FBF1: variants seen among roughly 807,000 people sequenced by gnomAD.
The protein encoded by FBF1 is Fas binding factor 1.
Under a neutral mutation model 147.2 loss-of-function variants are expected in FBF1, and 119 were observed. That is an observed-to-expected ratio of 0.81 (90% confidence interval 0.70 to 0.94). The LOEUF (loss-of-function observed/expected upper bound fraction) is 0.94. Among genes scored for constraint, FBF1 ranks in the 40% least tolerant of loss-of-function variants. The pLI is 0.00. For missense variants in FBF1, 1,449 were observed against 1,500.8 expected (o/e 0.97, Z 0.57); for synonymous variants, 601 against 609.0 (o/e 0.99, Z 0.19).
Position 75,915,006 on chromosome 17 carries a change from G to T in FBF1, c.2628+11C>A, listed in dbSNP as rs1190889248. ...GCAGGGGCAGGGGCTGAGTGCGGTG[G>T]CTTGACTCACCTTGGCCCGTTCCAG... On this transcript the variant is annotated intron_variant, in intron 24 of 29. Transcript: ENST00000636174. 1 of 1,612,972 alleles carries T rather than the reference G, an allele frequency of 6.2e-7. No homozygotes were observed.
chr17:75,914,388 C>T, intron 25 of FBF1, 90 bp from the exon 26 acceptor site: 1 of 1,471,922 alleles, frequency 6.8e-7, no homozygotes, highest in Non-Finnish European at 9.0e-7. Context: ...GCCCACCCTG[C>T]CCCTGGGAGG....
rs754453059 is a variant in FBF1 at position 75,917,815 on chromosome 17, T to C, written c.2422A>G (p.Met808Val). The C allele has an allele frequency of 6.2e-7, 1 of 1,608,250 alleles. No homozygotes were observed. The highest frequency in any genetic ancestry group is 1.1e-5 in the South Asian group (1 of 90,202). ...TGTTGCCGGCTCCGCTCCTCCTCCATGTCCCGCTGCTGCTGGCCCAGCCGC... is the reference window on the plus strand; with the variant it reads ...TGTTGCCGGCTCCGCTCCTCCTCCACGTCCCGCTGCTGCTGGCCCAGCCGC... ...QERLGQQQRDMEEERSRQQEV... is the reference protein window; with the variant it reads ...QERLGQQQRDVEEERSRQQEV... The change falls in exon 23 of 30, where the codon ATG becomes GTG. Residue 808 changes from methionine (M) to valine (V), a missense_variant. By Grantham distance (21) the Met-to-Val change is conservative. Coordinates refer to ENST00000636174, the MANE Select transcript of FBF1 (RefSeq NM_001319193.2).
chr17:75,915,401 G>A (rs1391363227), intron 23 of FBF1, among the ~76,000 whole-genome samples: 1 of 152,204 alleles, frequency 6.6e-6, no homozygotes, highest in Admixed American at 6.5e-5. Flanking sequence ...GCTTGGGAGG[G>A]CCAAAGAGCA....
chr17:75,937,239 C>T (rs926162324), intron 3 of FBF1, among the ~76,000 whole-genome samples: 2 of 150,382 alleles, frequency 1.3e-5, no homozygotes, highest in African/African-American at 4.9e-5. Flanking sequence ...GGTGAGATCT[C>T]GGCTCACTGC....
At chr17:75,920,150 G>C in intron 18 of FBF1, 43 bp from the exon 19 acceptor site, 1 of 1,583,108 alleles carries the variant, frequency 6.3e-7, no homozygotes, top group African/African-American at 1.3e-5. Context: ...AGGGGAGGTG[G>C]CTGTACTCCA....
At chr17:75,912,343 G>A (rs758690192) in intron 28 of FBF1, 36 bp from the exon 29 acceptor site, 59 of 1,493,276 alleles carry the variant, frequency 4.0e-5, no homozygotes, top group Non-Finnish European at 4.7e-5. Flanking sequence ...GGACCAAAGT[G>A]TTGGTGGAAA....
At chr17:75,935,596 G>A in intron 4 of FBF1, 36 bp downstream of exon 4, 1 of 1,530,298 alleles carries the variant, frequency 6.5e-7, no homozygotes, top group Non-Finnish European at 8.7e-7. Context: ...AACAGCAGCA[G>A]CCCAAATTAG....
At chr17:75,932,927 G>T (rs1053007161) in intron 5 of FBF1, 68 bp downstream of exon 5, 7 of 1,057,020 alleles carry the variant, frequency 6.6e-6, no homozygotes, top group African/African-American at 1.6e-5. Context: ...TAGAAAGTGG[G>T]GGGTGGAGGG....
intron 15 of FBF1, 37 bp downstream of exon 15, chr17:75,921,908 T>C (rs1199502396): frequency 6.6e-7 from 1 of 1,508,866 alleles, no homozygotes; most frequent in Non-Finnish European, 9.0e-7. Context: ...CTGCCCACCA[T>C]GCTCTCATTC....
At position 75,933,057 on chromosome 17, in the gene FBF1, A is replaced by C. The variant is rs2065604015; in HGVS notation, c.105T>G (p.Ala35=). The change falls in exon 5 of 30, where the codon GCT becomes GCG. Residue 35 remains alanine, a synonymous_variant. Transcript: ENST00000636174. ...CACCTGTGGTGTCTCTGGTATGTGA[A>C]GCTAGTTTAACAGGCTTCTCAGGTA... The part of the protein sequence containing the change: ...MTLPEKPVKL[A]SHTRDTTGVS... 1 of 1,607,492 alleles carries C rather than the reference A, an allele frequency of 6.2e-7. No homozygotes were observed. The highest frequency in any genetic ancestry group is 8.5e-7 in the Non-Finnish European group (1 of 1,174,614).
intron 5 of FBF1, among the ~76,000 whole-genome samples, chr17:75,932,321 G>T (rs1364448596): frequency 6.6e-6 from 1 of 152,136 alleles, no homozygotes; most frequent in Admixed American, 6.6e-5. Flanking sequence ...AGGTTAGAGT[G>T]AGCCGATCGC....
At chr17:75,930,584 A>G (rs1390258693) in intron 6 of FBF1, among the ~76,000 whole-genome samples, 1 of 151,976 alleles carries the variant, frequency 6.6e-6, no homozygotes, top group Admixed American at 6.6e-5. Flanking sequence ...ATGTGGTGAA[A>G]CCCCGTCTCT....
chr17:75,913,964 C>T lies in FBF1; in HGVS notation c.3078G>A (p.Ala1026=), dbSNP rs1021527020. The T allele has an allele frequency of 2.6e-6, 4 of 1,555,294 alleles. No homozygotes were observed. The highest frequency in any genetic ancestry group is 1.4e-5 in the African/African-American group (1 of 73,684). ...VQAEQQARLQ[A]VQQQQERLRK... ...GCAGCCGCTCCTGCTGTTGCTGCAC[C>T]GCCTGCAACCGGGCCTGCTGCTCTG... The change falls in exon 27 of 30, where the codon GCG becomes GCA. Residue 1026 remains alanine, a synonymous_variant. Coordinates refer to ENST00000636174, the MANE Select transcript of FBF1 (RefSeq NM_001319193.2).
At chr17:75,927,653 A>C in intron 8 of FBF1, 121 bp from the exon 9 acceptor site, 10 of 825,480 alleles carry the variant, frequency 1.2e-5, no homozygotes, top group Non-Finnish European at 1.8e-5. Context: ...CTGGGGGCTC[A>C]TGGCCATGGG....
chr17:75,923,186 C>T lies in FBF1; in HGVS notation c.1424G>A (p.Ser475Asn). 6.3e-7 allele frequency: 1 copy of T among 1,576,522 alleles called. No individual in the cohort carries two copies. The change falls in exon 14 of 30, where the codon AGC becomes AAC. Residue 475 changes from serine (S) to asparagine (N), a missense_variant and splice_region_variant. Coordinates refer to ENST00000636174, the MANE Select transcript of FBF1 (RefSeq NM_001319193.2). This position sits in a 1 kb window ranked among gnomAD's most constrained non-coding sequence, Gnocchi z 4.1. ...TAGCCACAGCAGCCTAAGTCAGTAC[C>T]TGCCAGAAGGGGGATGGCCCGCTGT... Reference protein sequence around the residue: ...AGTAGHPPSGSQPLTSTQGLE... With the variant: ...AGTAGHPPSGNQPLTSTQGLE...
At chr17:75,934,699 A>G (rs1434963693) in intron 4 of FBF1, among the ~76,000 whole-genome samples, 1 of 151,816 alleles carries the variant, frequency 6.6e-6, no homozygotes, top group Non-Finnish European at 1.5e-5. Context: ...ACCAACGTGG[A>G]GAAACCCCCA....
At chr17:75,931,683 C>G (rs552350057) in intron 5 of FBF1, among the ~76,000 whole-genome samples, 29 of 151,934 alleles carry the variant, frequency 1.9e-4, no homozygotes, top group African/African-American at 6.5e-4. Flanking sequence ...ACTCAGGAGG[C>G]TGAGGCAGGA....
intron 17 of FBF1, 71 bp downstream of exon 17, chr17:75,921,173 T>C (rs2144168293): frequency 1.4e-6 from 2 of 1,471,438 alleles, no homozygotes; most frequent in Admixed American, 4.0e-5. Context: ...GGTCAAACTG[T>C]GGGTATTGCC....
rs35055735 is a variant in FBF1 at position 75,916,007 on chromosome 17, C to CAA, written c.2506-870_2506-869dup. Among the ~76,000 whole-genome samples, 70 of 65,228 alleles carry CAA rather than the reference C, an allele frequency of 1.1e-3. 1 individual carries two copies. Among genetic ancestry groups the CAA allele is most frequent in the Admixed American group, 1.3e-3 (7 of 5,540 alleles). 42.8% of individuals were successfully genotyped at this position (65,228 alleles called of 152,430 possible). On this transcript the variant is annotated intron_variant, in intron 23 of 29. Coordinates refer to ENST00000636174, the MANE Select transcript of FBF1 (RefSeq NM_001319193.2). ...TGGGTGACAGAGCGAGACTCTGACT[C>CAA]AAAAAAAAAAAAAAAAAAAAAAAAG...
Sources: allele counts gnomAD v4.1 joint callset (sites outside exome capture counted in the v4.1 genomes callset), GRCh38; gene constraint gnomAD v4.1.1; non-coding constraint Gnocchi (gnomAD v3.1); transcripts MANE v1.5; gene names NCBI Gene and HGNC (gene_info 2026-07-23, HGNC 2026-07-21).